Variants in GAS7 observed in about 807,000 individuals in gnomAD.
GAS7 encodes growth arrest specific 7, also known as growth arrest-specific protein 7.
In GAS7, 28 loss-of-function variants were observed where a neutral mutation model predicts 71.1. The ratio of observed to expected loss-of-function variants is 0.39; its 90% CI spans 0.29 to 0.54. The LOEUF (loss-of-function observed/expected upper bound fraction) is 0.54. Among genes scored for constraint, GAS7 ranks in the 20% least tolerant of loss-of-function variants. The pLI, the probability that GAS7 is intolerant of heterozygous loss-of-function variation, is 0.62. For missense variants in GAS7, 436 were observed against 627.8 expected (o/e 0.69, Z 3.27); for synonymous variants, 258 against 245.8 (o/e 1.05, Z -0.46).
intron 3 of GAS7, among the ~76,000 whole-genome samples, chr17:9,970,132 G>A (rs899066437): frequency 5.9e-5 from 9 of 152,088 alleles, no homozygotes; most frequent in East Asian, 1.9e-4. Context: ...CCGTAGAGTC[G>A]GGGCGGGGGG....
chr17:9,943,213 G>A lies in GAS7; in HGVS notation c.639C>T (p.Gly213=). The change falls in exon 7 of 14, where the codon GGC becomes GGT. Residue 213 remains glycine, a synonymous_variant. Transcript: ENST00000432992. ...GTTCAAACCCAGCCACGGTGCCGTTGCCTTGGGGGTCCTTCTTATCAGCCT... is the reference window on the plus strand; with the variant it reads ...GTTCAAACCCAGCCACGGTGCCGTTACCTTGGGGGTCCTTCTTATCAGCCT... ...YFWADKKDPQ[G]NGTVAGFELL... 6.2e-7 allele frequency: 1 copy of A among 1,609,676 alleles called. No homozygotes were observed. Among genetic ancestry groups the A allele is most frequent in the Non-Finnish European group, 8.5e-7 (1 of 1,175,890 alleles).
At chr17:10,182,981 T>C (rs1337606148) in intron 1 of GAS7, among the ~76,000 whole-genome samples, 1 of 152,120 alleles carries the variant, frequency 6.6e-6, no homozygotes, top group Non-Finnish European at 1.5e-5. Context: ...CGGAGGCCCA[T>C]CAAACCCAGG....
intron 1 of GAS7, chr17:10,036,609 C>T: frequency 6.9e-7 from 1 of 1,457,864 alleles, no homozygotes. Context: ...CTGGGCACCC[C>T]AGCGGAGGTT....
At chr17:10,030,452 G>C (rs912410122) in intron 1 of GAS7, among the ~76,000 whole-genome samples, 93 of 152,346 alleles carry the variant, frequency 6.1e-4, no homozygotes, top group East Asian at 3.9e-4. Flanking sequence ...ATGTCCTGTG[G>C]AACTGTGGTT....
Position 10,044,356 on chromosome 17 carries a change from C to T in GAS7, c.184-24459G>A, listed in dbSNP as rs369979997. ...ACACCTGAGCTCACTGCAATAACAACTAGGGGTGGCCATGAAGTTACTACA... is the reference window on the plus strand; with the variant it reads ...ACACCTGAGCTCACTGCAATAACAATTAGGGGTGGCCATGAAGTTACTACA... On this transcript the variant is annotated intron_variant, in intron 1 of 13. Transcript: ENST00000432992. Among the ~76,000 whole-genome samples the T allele has an allele frequency of 3.9e-5, 6 of 152,324 alleles. No homozygotes were observed. The South Asian group carries it at 8.3e-4, about 21-fold the overall frequency.
chr17:10,104,267 A>G (rs2073736960), intron 1 of GAS7, among the ~76,000 whole-genome samples: 1 of 152,186 alleles, frequency 6.6e-6, no homozygotes, highest in South Asian at 2.1e-4. Flanking sequence ...TTGGCCAGCC[A>G]GCAACATTCA....
At chr17:10,009,160 A>G (rs1323784165) in intron 2 of GAS7, among the ~76,000 whole-genome samples, 1 of 151,572 alleles carries the variant, frequency 6.6e-6, no homozygotes, top group Non-Finnish European at 1.5e-5. Flanking sequence ...CTCTACTAAA[A>G]ATACAAAAAA....
chr17:10,195,674 T>C (rs984862075), intron 1 of GAS7, among the ~76,000 whole-genome samples: 1 of 152,132 alleles, frequency 6.6e-6, no homozygotes, highest in Non-Finnish European at 1.5e-5. Context: ...CTCCAGTATC[T>C]ATGGGCCCCC....
At chr17:9,965,718 C>T (rs1214412243) in intron 4 of GAS7, among the ~76,000 whole-genome samples, 2 of 152,238 alleles carry the variant, frequency 1.3e-5, no homozygotes, top group African/African-American at 2.4e-5. Flanking sequence ...GATCCCTCGC[C>T]TCTGCCCCCG....
At chr17:10,159,745 A>G (rs918421882) in intron 1 of GAS7, among the ~76,000 whole-genome samples, 3 of 150,088 alleles carry the variant, frequency 2.0e-5, no homozygotes, top group Non-Finnish European at 4.4e-5. Context: ...GAGTGTTCCC[A>G]GTTTATGAAA....
intron 1 of GAS7, among the ~76,000 whole-genome samples, chr17:10,181,266 A>G (rs1472645055): frequency 2.0e-5 from 3 of 151,928 alleles, no homozygotes; most frequent in Non-Finnish European, 4.4e-5. Flanking sequence ...AGGCTGAGGC[A>G]GGGGAATCGC....
chr17:10,050,725 T>C (rs957102740), intron 1 of GAS7, among the ~76,000 whole-genome samples: 6 of 152,210 alleles, frequency 3.9e-5, no homozygotes, highest in Non-Finnish European at 7.3e-5. Flanking sequence ...GGAGGAAACA[T>C]CTGTGTATAC....
intron 1 of GAS7, among the ~76,000 whole-genome samples, chr17:10,109,709 A>C (rs2073792157): frequency 6.6e-6 from 1 of 152,238 alleles, no homozygotes; most frequent in African/African-American, 2.4e-5. Context: ...ACCTGAGATC[A>C]GGAGTTCAAG....
chr17:10,165,474 G>A (rs1254991949), intron 1 of GAS7, among the ~76,000 whole-genome samples: 2 of 152,080 alleles, frequency 1.3e-5, no homozygotes, highest in East Asian at 3.9e-4. Flanking sequence ...TGCCCTCATC[G>A]ATCTCTACCT....
In GAS7 at chr17:10,041,855, C is replaced by T. The variant is rs559569347; in HGVS notation, c.184-21958G>A. Among the ~76,000 whole-genome samples the T allele has an allele frequency of 3.3e-5, 5 of 152,266 alleles. No homozygotes were observed. In the East Asian group the frequency reaches 9.6e-4, roughly 29 times the overall value. On this transcript the variant is annotated intron_variant, in intron 1 of 13. Coordinates refer to ENST00000432992, the MANE Select transcript of GAS7 (RefSeq NM_201433.2). ...AAAGACTGATGATATTTCCACCAAC[C>T]TGAGTTTTCCTGAGTTCAACGGCAT...
At chr17:9,941,942 G>T (rs889479960) in intron 7 of GAS7, among the ~76,000 whole-genome samples, 6 of 152,138 alleles carry the variant, frequency 3.9e-5, no homozygotes, top group African/African-American at 1.4e-4. Flanking sequence ...CTTGATTATT[G>T]CTGTTATAAT....
intron 1 of GAS7, among the ~76,000 whole-genome samples, chr17:10,158,317 C>T (rs1291978292): frequency 7.2e-6 from 1 of 138,684 alleles, no homozygotes; most frequent in African/African-American, 2.8e-5. Flanking sequence ...CCGGCCAATC[C>T]TGTTTTTTCT....
intron 2 of GAS7, among the ~76,000 whole-genome samples, chr17:10,009,318 C>CAAAAAAAAAAAAAAAAAAA (rs541133967): frequency 1.3e-5 from 1 of 78,576 alleles, no homozygotes; most frequent in African/African-American, 4.6e-5. Context: ...GAGACTCCGT[C>CAAAAAAAAAAAAAAAAAAA]AAAAAAAAAA....
At chr17:10,183,076 C>T (rs890995694) in intron 1 of GAS7, among the ~76,000 whole-genome samples, 5 of 151,946 alleles carry the variant, frequency 3.3e-5, no homozygotes, top group African/African-American at 9.7e-5. Flanking sequence ...AATGGCCAGA[C>T]GCTGCAGCTT....
Sources: allele counts gnomAD v4.1 joint callset (sites outside exome capture counted in the v4.1 genomes callset), GRCh38; gene constraint gnomAD v4.1.1; transcripts MANE v1.5; gene names NCBI Gene and HGNC (gene_info 2026-07-23, HGNC 2026-07-21).